Variants in CWF19L1 observed in about 807,000 individuals in gnomAD.
The protein encoded by CWF19L1 is CWF19 like cell cycle control factor 1.
In CWF19L1, 60 loss-of-function variants were observed where a neutral mutation model predicts 69.7. The observed-to-expected ratio is 0.86, with a 90% CI of 0.70 to 1.07. The LOEUF (loss-of-function observed/expected upper bound fraction) is 1.07. Among genes scored for constraint, CWF19L1 ranks in the 50% least tolerant of loss-of-function variants. CWF19L1 has a pLI of 0.00. For missense variants in CWF19L1, 591 were observed against 638.9 expected (o/e 0.92, Z 0.81); for synonymous variants, 209 against 222.2 (o/e 0.94, Z 0.53).
At chr10:100,256,025 C>A (rs530397231) in intron 5 of CWF19L1, among the ~76,000 whole-genome samples, 4 of 152,170 alleles carry the variant, frequency 2.6e-5, no homozygotes, top group South Asian at 2.1e-4. Context: ...ATATAAAAAA[C>A]CATTCCTTTA....
At chr10:100,256,717 G>C (rs1847225405) in intron 4 of CWF19L1, among the ~76,000 whole-genome samples, 1 of 152,216 alleles carries the variant, frequency 6.6e-6, no homozygotes, top group Non-Finnish European at 1.5e-5. Flanking sequence ...GGGCCAGTAT[G>C]TTTATGCCAG....
intron 6 of CWF19L1, among the ~76,000 whole-genome samples, chr10:100,252,281 A>G (rs527582132): frequency 2.4e-4 from 36 of 152,198 alleles, no homozygotes; most frequent in Non-Finnish European, 4.6e-4. Context: ...TAAAAATACA[A>G]AGAATTAGCC....
chr10:100,260,358 G>T lies in CWF19L1; in HGVS notation c.188-39C>A, dbSNP rs745880057. 1.0e-5 allele frequency: 12 copies of T among 1,172,428 alleles called. No homozygotes were observed. The South Asian group carries it at 1.5e-4, about 15-fold the overall frequency. The allele number at this position is 1,172,428 out of a possible 1,614,324, so 72.6% of individuals were successfully genotyped here. ...CAGACATGACACCATATAGTTACCA[G>T]ATCTGCTTTAGAACTTAAGATATGC... On this transcript the variant is annotated intron_variant, in intron 3 of 13. Coordinates refer to ENST00000354105, the MANE Select transcript of CWF19L1 (RefSeq NM_018294.6).
Position 100,236,974 on chromosome 10 carries a change from G to C in CWF19L1, c.1255-5C>G. The stretch of plus-strand genomic sequence containing the variant: ...GCTGATTGGGACAGGAATGACCTGG[G>C]GGTTGGGGAGACAGGAGAAATTCCT... On this transcript the variant is annotated splice_polypyrimidine_tract_variant and splice_region_variant and intron_variant, in intron 11 of 13. Coordinates refer to ENST00000354105, the MANE Select transcript of CWF19L1 (RefSeq NM_018294.6). The C allele has an allele frequency of 6.4e-7, 1 of 1,569,342 alleles. No homozygotes were observed. The highest frequency in any genetic ancestry group is 2.3e-5 in the East Asian group (1 of 44,440).
chr10:100,257,985 C>T (rs1427868941), intron 4 of CWF19L1, among the ~76,000 whole-genome samples: 1 of 152,122 alleles, frequency 6.6e-6, no homozygotes, highest in African/African-American at 2.4e-5. Flanking sequence ...TGCCTGTAAT[C>T]CCAGAACTTT....
chr10:100,245,761 C>T, intron 9 of CWF19L1, 38 bp downstream of exon 9: 1 of 1,494,124 alleles, frequency 6.7e-7, no homozygotes, highest in Non-Finnish European at 9.3e-7. Flanking sequence ...ATAACAGTTA[C>T]TGTTCATAGA....
chr10:100,243,847 C>CA (rs1846715658), intron 9 of CWF19L1, 70 bp from the exon 10 acceptor site: 1 of 1,261,750 alleles, frequency 7.9e-7, no homozygotes, highest in East Asian at 2.3e-5. Context: ...CCACAGAACT[C>CA]AGCTTTGTCT....
intron 1 of CWF19L1, among the ~76,000 whole-genome samples, chr10:100,264,684 T>G (rs539871657): frequency 6.6e-6 from 1 of 151,808 alleles, no homozygotes; most frequent in Admixed American, 6.6e-5. Context: ...AGGGCACTGT[T>G]ATCATAGGAG....
chr10:100,245,875 T>C lies in CWF19L1; in HGVS notation c.888A>G (p.Glu296=). The part of the protein sequence containing the change: ...SACQFFFDLN[E]KQGRKRSSTG... The stretch of plus-strand genomic sequence containing the variant: ...TGGATGAACGCTTCCTTCCCTGCTT[T>C]TCATTTAAATCAAAGAAAAACTGAC... The change falls in exon 9 of 14, where the codon GAA becomes GAG. Residue 296 remains glutamate (E), a synonymous_variant. Transcript: ENST00000354105. 6.2e-7 allele frequency: 1 copy of C among 1,614,226 alleles called. No individual in the cohort carries two copies. Among genetic ancestry groups the C allele is most frequent in the Non-Finnish European group, 8.5e-7 (1 of 1,180,026 alleles).
intron 4 of CWF19L1, among the ~76,000 whole-genome samples, chr10:100,259,573 C>T (rs1314343331): frequency 6.6e-6 from 1 of 152,126 alleles, no homozygotes; most frequent in Non-Finnish European, 1.5e-5. Context: ...TTTGTGTGAA[C>T]ATAATTTATA....
chr10:100,245,261 T>A (rs1479222929), intron 9 of CWF19L1, among the ~76,000 whole-genome samples: 1 of 152,106 alleles, frequency 6.6e-6, no homozygotes, highest in Non-Finnish European at 1.5e-5. Flanking sequence ...GAACTTGTGA[T>A]CCGCCTGGCT....
chr10:100,245,267 T>G (rs763376472), intron 9 of CWF19L1, among the ~76,000 whole-genome samples: 14 of 152,134 alleles, frequency 9.2e-5, no homozygotes, highest in Non-Finnish European at 1.8e-4. Flanking sequence ...GTGATCCGCC[T>G]GGCTCAGCCT....
chr10:100,267,159 A>G, intron 1 of CWF19L1, among the ~76,000 whole-genome samples: 1 of 150,888 alleles, frequency 6.6e-6, no homozygotes, highest in Non-Finnish European at 1.5e-5. Context: ...AAAAAAAAAA[A>G]AAAAAAAAAA....
intron 4 of CWF19L1, among the ~76,000 whole-genome samples, chr10:100,257,843 T>C (rs894186992): frequency 1.3e-5 from 2 of 152,116 alleles, no homozygotes; most frequent in Admixed American, 1.3e-4. Flanking sequence ...TCCCTTCTGA[T>C]TGTATTTCTT....
chr10:100,233,743 T>C (rs912885444), intron 13 of CWF19L1, among the ~76,000 whole-genome samples: 1 of 152,250 alleles, frequency 6.6e-6, no homozygotes, highest in Non-Finnish European at 1.5e-5. Context: ...CTCTGAGTCT[T>C]GATTTCCTCA....
At chr10:100,267,468 T>C (rs1218826917) in intron 1 of CWF19L1, 103 bp downstream of exon 1, 1 of 1,604,758 alleles carries the variant, frequency 6.2e-7, no homozygotes, top group Non-Finnish European at 8.5e-7. Context: ...TCTCTCCGCC[T>C]TTTCCTTCTC....
rs1300780458 is a variant in CWF19L1 at position 100,263,736 on chromosome 10, C to T, written c.24-1673G>A. On this transcript the variant is annotated intron_variant, in intron 1 of 13. Coordinates refer to ENST00000354105, the MANE Select transcript of CWF19L1 (RefSeq NM_018294.6). Reference sequence around the variant, plus strand: ...GATAGAAATCTATGACCCAACAAGGCCAGCTCCTTTTCACTCACAATTAAA... The same window carrying T: ...GATAGAAATCTATGACCCAACAAGGTCAGCTCCTTTTCACTCACAATTAAA... 2.0e-5 allele frequency among the ~76,000 whole-genome samples: 3 copies of T among 152,166 alleles called. No individual in the cohort carries two copies. The East Asian group carries it at 5.8e-4, about 29-fold the overall frequency.
intron 4 of CWF19L1, among the ~76,000 whole-genome samples, chr10:100,259,554 G>A (rs1361353578): frequency 6.6e-6 from 1 of 152,144 alleles, no homozygotes; most frequent in Admixed American, 6.5e-5. Flanking sequence ...CCACATACAT[G>A]AAATTTCCTT....
intron 7 of CWF19L1, chr10:100,248,931 C>G: frequency 1.2e-6 from 1 of 827,074 alleles, no homozygotes; most frequent in South Asian, 1.4e-5. Context: ...AGCTGATCGC[C>G]AACTCACTGG....
Sources: gnomAD v4.1 joint callset for allele counts (sites outside exome capture counted in the v4.1 genomes callset) on GRCh38, gnomAD v4.1.1 for gene constraint, MANE v1.5 for transcripts, NCBI Gene and HGNC (gene_info 2026-07-23, HGNC 2026-07-21) for gene names.